The following BICC1 variants were observed in gnomAD, a reference collection of about 807,000 sequenced individuals.
BICC1 encodes BicC family RNA binding protein 1.
A neutral mutation model predicts 111.0 loss-of-function variants in BICC1; 43 were observed. That is an observed-to-expected ratio of 0.39 (90% CI 0.30 to 0.50). BICC1 has a LOEUF of 0.50. Ranked by LOEUF, BICC1 falls within the 20% of genes least tolerant of loss-of-function variation. The pLI is 0.88. For missense variants in BICC1, 1,091 were observed against 1,203.2 expected, an observed-to-expected ratio of 0.91 and a Z score of 1.38; for synonymous variants, 467 against 434.4, an observed-to-expected ratio of 1.07 and a Z score of -0.93.
chr10:58,692,582 G>T (rs1252622074), intron 2 of BICC1, among the ~76,000 whole-genome samples: 1 of 152,186 alleles, frequency 6.6e-6, no homozygotes, highest in Non-Finnish European at 1.5e-5. Context: ...CTATTTAAAT[G>T]TTGGAAACAC....
chr10:58,553,255 A>G (rs1213238727), intron 1 of BICC1, among the ~76,000 whole-genome samples: 1 of 152,160 alleles, frequency 6.6e-6, no homozygotes, highest in East Asian at 1.9e-4. Flanking sequence ...AGCTGTCCTT[A>G]AAGAGGTTAG....
intron 3 of BICC1, chr10:58,715,897 A>G: frequency 8.1e-7 from 1 of 1,239,064 alleles, no homozygotes; most frequent in Non-Finnish European, 1.2e-6. Flanking sequence ...TGATTCTTCC[A>G]GCAATTCTTC....
At chr10:58,715,097 T>C (rs1343043406) in intron 3 of BICC1, among the ~76,000 whole-genome samples, 1 of 151,674 alleles carries the variant, frequency 6.6e-6, no homozygotes, top group East Asian at 1.9e-4. Context: ...AAATAATAAT[T>C]AGGAGGGAGA....
chr10:58,623,060 A>T (rs1015667536), intron 2 of BICC1, among the ~76,000 whole-genome samples: 3 of 152,166 alleles, frequency 2.0e-5, no homozygotes, highest in African/African-American at 7.2e-5. Flanking sequence ...AAGGATATCT[A>T]CCTAGCTTCA....
chr10:58,793,429 G>A (rs944491065), intron 8 of BICC1, 55 bp from the exon 9 acceptor site: 47 of 1,479,716 alleles, frequency 3.2e-5, no homozygotes, highest in Non-Finnish European at 4.1e-5. Context: ...AAATTATCAG[G>A]TGTTTAAATG....
intron 2 of BICC1, among the ~76,000 whole-genome samples, chr10:58,669,704 A>G (rs1430463562): frequency 6.6e-6 from 1 of 152,172 alleles, no homozygotes; most frequent in Non-Finnish European, 1.5e-5. Flanking sequence ...TATAAAAATA[A>G]CAAAACAGAA....
intron 17 of BICC1, among the ~76,000 whole-genome samples, chr10:58,812,883 A>C (rs1843956231): frequency 6.6e-6 from 1 of 152,190 alleles, no homozygotes; most frequent in South Asian, 2.1e-4. Flanking sequence ...AAGAAAGTAG[A>C]CAGAGGGAAG....
At chr10:58,793,389 G>A (rs1178096876) in intron 8 of BICC1, 95 bp from the exon 9 acceptor site, 3 of 1,182,558 alleles carry the variant, frequency 2.5e-6, no homozygotes, top group Non-Finnish European at 3.6e-6. Context: ...CTTTAAATCT[G>A]TAAAATAGTG....
At chr10:58,741,884 G>T (rs2132607502) in intron 3 of BICC1, among the ~76,000 whole-genome samples, 1 of 152,286 alleles carries the variant, frequency 6.6e-6, no homozygotes, top group East Asian at 1.9e-4. Flanking sequence ...CCAGCAATAG[G>T]AAACTTGAAT....
At chr10:58,815,307 G>A (rs1405814713) in intron 18 of BICC1, among the ~76,000 whole-genome samples, 2 of 152,106 alleles carry the variant, frequency 1.3e-5, no homozygotes, top group African/African-American at 4.8e-5. Context: ...AAGAAAGCAC[G>A]GACAACTATT....
chr10:58,674,764 A>G (rs1194866184), intron 2 of BICC1, among the ~76,000 whole-genome samples: 1 of 152,200 alleles, frequency 6.6e-6, no homozygotes, highest in Non-Finnish European at 1.5e-5. Flanking sequence ...ACAGTGGGAC[A>G]AAAGGACAGT....
intron 1 of BICC1, among the ~76,000 whole-genome samples, chr10:58,566,166 A>G (rs1416689457): frequency 9.1e-5 from 13 of 143,116 alleles, no homozygotes; most frequent in Non-Finnish European, 1.6e-4. Context: ...GTGTGTGTAT[A>G]TATACATATA....
chr10:58,577,940 T>C (rs925158825), intron 1 of BICC1, among the ~76,000 whole-genome samples: 1 of 152,252 alleles, frequency 6.6e-6, no homozygotes, highest in Non-Finnish European at 1.5e-5. Flanking sequence ...GCCCTCTCTA[T>C]GTGCAAATAG....
At chr10:58,656,236 C>T (rs953024992) in intron 2 of BICC1, among the ~76,000 whole-genome samples, 3 of 151,238 alleles carry the variant, frequency 2.0e-5, no homozygotes, top group African/African-American at 7.3e-5. Context: ...GAGTCCAGGA[C>T]CAGATGGATT....
chr10:58,825,171 A>G (rs1844359018), intron 20 of BICC1, among the ~76,000 whole-genome samples: 1 of 152,168 alleles, frequency 6.6e-6, no homozygotes. Flanking sequence ...ACCTACTCAT[A>G]TGCCTCTTTC....
At chr10:58,667,476 AGG>A (rs56799027) in intron 2 of BICC1, among the ~76,000 whole-genome samples, 152,128 of 152,132 alleles carry the variant, frequency 1, 76,062 homozygotes, top group Middle Eastern at 1. Flanking sequence ...CTTAATTCTC[AGG>A]GTTCAAGGAA....
intron 2 of BICC1, among the ~76,000 whole-genome samples, chr10:58,695,561 T>G (rs1435659945): frequency 6.6e-6 from 1 of 152,152 alleles, no homozygotes; most frequent in Non-Finnish European, 1.5e-5. Flanking sequence ...GAATAAATAT[T>G]TTTAGTAAAG....
At chr10:58,536,479 A>T (rs1361595704) in intron 1 of BICC1, among the ~76,000 whole-genome samples, 2 of 151,820 alleles carry the variant, frequency 1.3e-5, no homozygotes, top group Non-Finnish European at 2.9e-5. Context: ...TGGGTTAACA[A>T]TGAAATCAAG....
chr10:58,529,223 T>C (rs1043315254), intron 1 of BICC1, among the ~76,000 whole-genome samples: 10 of 151,950 alleles, frequency 6.6e-5, no homozygotes, highest in African/African-American at 2.4e-4. Flanking sequence ...TCTGCTAACA[T>C]GTCCAGCTAT....
Sources: gnomAD v4.1 joint callset for allele counts (sites outside exome capture counted in the v4.1 genomes callset) on GRCh38, gnomAD v4.1.1 for gene constraint, MANE v1.5 for transcripts, NCBI Gene and HGNC (gene_info 2026-07-23, HGNC 2026-07-21) for gene names.